Variants in SDCBP2 observed in about 807,000 individuals in gnomAD.
The protein encoded by SDCBP2 is syntenin-2.
SDCBP2 carries 28 observed loss-of-function variants against 30.7 expected under a neutral mutation model. That is an observed-to-expected ratio of 0.91 (90% confidence interval 0.68 to 1.25). SDCBP2 has a LOEUF of 1.25. Ranked by LOEUF, SDCBP2 falls within the 50% of genes most tolerant of loss-of-function variation. The probability of loss-of-function intolerance (pLI) is 0.00; values close to 1 mark genes in which losing one functional copy is unlikely to be tolerated. For synonymous variants in SDCBP2, 166 were observed against 157.3 expected (o/e 1.06, Z -0.41); for missense variants, 399 against 379.0 (o/e 1.05, Z -0.44).
In SDCBP2 at chr20:1,313,609, T is replaced by C; in HGVS notation, c.226-111A>G. 1 of 1,410,720 alleles carries C rather than the reference T, an allele frequency of 7.1e-7. No individual in the cohort carries two copies. The highest frequency in any genetic ancestry group is 1.5e-5 in the South Asian group (1 of 65,680). The allele number at this position is 1,410,720 out of a possible 1,614,324, so 87.4% of individuals were successfully genotyped here. ...AAAGGAGGATGGAGCCGTCCCCGGGTCCCCCCACGTCCCCAGTCCACGCTT... is the reference window on the plus strand; with the variant it reads ...AAAGGAGGATGGAGCCGTCCCCGGGCCCCCCCACGTCCCCAGTCCACGCTT... On this transcript the variant is annotated intron_variant, in intron 4 of 8. Transcript: ENST00000360779. This position sits in a 1 kb window ranked among gnomAD's most constrained non-coding sequence, Gnocchi z 5.2.
chr20:1,310,924 G>A (rs1200088392), intron 7 of SDCBP2, 33 bp from the exon 8 acceptor site: 1 of 1,556,558 alleles, frequency 6.4e-7, no homozygotes, highest in East Asian at 2.3e-5. Flanking sequence ...ATCACCCTAA[G>A]GATTGGGGAC....
rs189922951 is a variant in SDCBP2, at chr20:1,315,246, T to C, written c.226-1748A>G. Among the ~76,000 whole-genome samples the C allele has an allele frequency of 6.1e-3, 931 of 152,198 alleles. 6 individuals are homozygous for C. Among genetic ancestry groups the C allele is most frequent in the Non-Finnish European group, 0.01 (701 of 67,988 alleles). ...GCAAGAGTGCTTTCAACAAATGGTG[T>C]TGGCTGGGCGCAGTGGCTCATGCCT... On this transcript the variant is annotated intron_variant, in intron 4 of 8. Transcript: ENST00000360779.
At position 1,312,661 on chromosome 20, in the gene SDCBP2, C is replaced by T; in HGVS notation, c.486G>A (p.Gly162=). The change falls in exon 6 of 9, where the codon GGG becomes GGA. Residue 162 remains glycine, a synonymous_variant. Coordinates refer to ENST00000360779, the MANE Select transcript of SDCBP2 (RefSeq NM_080489.5). ...LLQIDGRDCA[G]WSSHKAHQVV... ...CCTGATGGGCTTTGTGCGAGCTCCA[C>T]CCAGCACAGTCACGCCCGTCAATCT... The T allele has an allele frequency of 6.2e-7, 1 of 1,614,164 alleles. No individual in the cohort carries two copies. Among genetic ancestry groups the T allele is most frequent in the Non-Finnish European group, 8.5e-7 (1 of 1,180,026 alleles).
At chr20:1,312,947 G>A (rs1167711512) in intron 5 of SDCBP2, 185 bp from the exon 6 acceptor site, 1 of 647,590 alleles carries the variant, frequency 1.5e-6, no homozygotes, top group African/African-American at 1.8e-5. Flanking sequence ...CTCATAGTTA[G>A]GAAGCAGGTG....
chr20:1,326,060 C>G (rs541464107), intron 1 of SDCBP2, among the ~76,000 whole-genome samples: 11 of 152,296 alleles, frequency 7.2e-5, no homozygotes, highest in African/African-American at 2.4e-4. Flanking sequence ...AGGAGGAAGG[C>G]TAGGGCAATC....
At chr20:1,312,298 C>G (rs373011921) in intron 7 of SDCBP2, 39 bp downstream of exon 7, 6 of 1,598,218 alleles carry the variant, frequency 3.8e-6, no homozygotes, top group Non-Finnish European at 5.1e-6. Flanking sequence ...AGCCCTCCCA[C>G]CACCCGGCAG....
intron 1 of SDCBP2, among the ~76,000 whole-genome samples, chr20:1,327,405 C>T (rs754084899): frequency 9.2e-5 from 14 of 152,170 alleles, no homozygotes; most frequent in African/African-American, 1.9e-4. Context: ...AGACAGTGCG[C>T]GGGAGGGAAG....
intron 8 of SDCBP2, 52 bp from the exon 9 acceptor site, chr20:1,310,547 C>A: frequency 1.3e-6 from 2 of 1,551,584 alleles, no homozygotes; most frequent in South Asian, 1.1e-5. Context: ...TCTCCACCCT[C>A]CAGCAACCTC....
chr20:1,315,615 A>G (rs79281124), intron 4 of SDCBP2, among the ~76,000 whole-genome samples: 2,282 of 152,342 alleles, frequency 0.015, 51 homozygotes, highest in African/African-American at 0.053. Context: ...CTAACTCCTT[A>G]CAAAAAAATT....
Position 1,312,677 on chromosome 20 carries a change from C to A in SDCBP2, c.470G>T (p.Gly157Val). The A allele has an allele frequency of 6.2e-7, 1 of 1,614,158 alleles. No individual in the cohort carries two copies. Among genetic ancestry groups the A allele is most frequent in the African/African-American group, 1.3e-5 (1 of 75,036 alleles). Residue 157 changes from glycine (G) to valine (V), a missense_variant, in exon 6 of 9, where the codon GGG becomes GTG. Gly to Val is a moderately radical substitution (Grantham distance 109). Transcript: ENST00000360779. The part of the protein sequence containing the change: ...RFGDQLLQID[G>V]RDCAGWSSHK... ...CGAGCTCCACCCAGCACAGTCACGC[C>A]CGTCAATCTGCAGGAGCTGGTCCCC...
chr20:1,328,693 G>C (rs149540707), intron 1 of SDCBP2, among the ~76,000 whole-genome samples: 1 of 152,160 alleles, frequency 6.6e-6, no homozygotes, highest in South Asian at 2.1e-4. Context: ...ACAGCCTCAG[G>C]CCAGAGAAGT....
chr20:1,320,285 C>G lies in SDCBP2; in HGVS notation c.54+78G>C. 2 of 1,369,506 alleles carry G rather than the reference C, an allele frequency of 1.5e-6. No individual in the cohort carries two copies. The highest frequency in any genetic ancestry group is 2.0e-6 in the Non-Finnish European group (2 of 976,726). The allele number at this position is 1,369,506 out of a possible 1,614,324, so 84.8% of individuals were successfully genotyped here. ...AGGCCTACGGGAATCTCCAAGTGGC[C>G]CCAGTACCCAGCACCTTCCAGGGTA... On this transcript the variant is annotated intron_variant, in intron 2 of 8. Coordinates refer to ENST00000360779, the MANE Select transcript of SDCBP2 (RefSeq NM_080489.5). The surrounding 1 kb of genome is among the most constrained non-coding windows in gnomAD (Gnocchi z 4.7).
chr20:1,310,166 G>T lies in SDCBP2; in HGVS notation c.*275C>A. ...GGGCCCAGTTGCGACTTTAAGCAGC[G>T]TTTAAACAGCCTGCCTCCGTGTCCA... On this transcript the variant is annotated 3_prime_UTR_variant, in exon 9 of 9. Transcript: ENST00000360779. 1 of 367,240 alleles carries T rather than the reference G, an allele frequency of 2.7e-6. No individual in the cohort carries two copies. Among genetic ancestry groups the T allele is most frequent in the South Asian group, 6.8e-5 (1 of 14,798 alleles). The allele number at this position is 367,240 out of a possible 1,614,324, so 22.7% of individuals were successfully genotyped here.
Position 1,319,581 on chromosome 20 carries a change from C to G in SDCBP2, c.124+9G>C, listed in dbSNP as rs771232928. The G allele has an allele frequency of 5.8e-6, 9 of 1,562,318 alleles. No individual in the cohort carries two copies. The Admixed American group carries it at 1.7e-4, about 30-fold the overall frequency. Reference sequence around the variant, plus strand: ...GGCACCCAGGAGCCCCTCATCCCAGCCCACTCACCTGGTGGTGGGGAAATG... The same window carrying G: ...GGCACCCAGGAGCCCCTCATCCCAGGCCACTCACCTGGTGGTGGGGAAATG... On this transcript the variant is annotated intron_variant, in intron 3 of 8. Transcript: ENST00000360779.
At chr20:1,325,466 C>T (rs2088909703) in intron 1 of SDCBP2, 1 of 152,246 alleles carries the variant, frequency 6.6e-6, no homozygotes, top group Non-Finnish European at 1.5e-5. Flanking sequence ...TACCAGAGTC[C>T]ACCCGGCCTC....
rs1455736227 is a variant in SDCBP2, at chr20:1,313,477, GCCCGGGGC to G, written c.239_246del (p.Gly80AlafsTer19). On this transcript the variant is annotated frameshift_variant, in exon 5 of 9. Coordinates refer to ENST00000360779, the MANE Select transcript of SDCBP2 (RefSeq NM_080489.5). LOFTEE classifies it high-confidence loss of function. The surrounding 1 kb of genome is among the most constrained non-coding windows in gnomAD (Gnocchi z 5.2). ...GTTACCGGTGCCACCATCTGGCCGG[GCCCGGGGC>G]CCGAGACCGCTGTCTGCAGACACCA... The G allele has an allele frequency of 1.9e-6, 3 of 1,593,734 alleles. No individual in the cohort carries two copies.
rs2122509879 is a variant in SDCBP2, at chr20:1,313,716, A to G, written c.226-218T>C. On this transcript the variant is annotated intron_variant, in intron 4 of 8. Transcript: ENST00000360779. This position sits in a 1 kb window ranked among gnomAD's most constrained non-coding sequence, Gnocchi z 5.2. ...TCCATGCCCTTAAAAAGCCAGGAAAACGGGGAGGGAAGGGGCGAGGATACA... is the reference window on the plus strand; with the variant it reads ...TCCATGCCCTTAAAAAGCCAGGAAAGCGGGGAGGGAAGGGGCGAGGATACA... The G allele has an allele frequency of 2.4e-6, 3 of 1,276,454 alleles. No individual in the cohort carries two copies. In the Admixed American group the frequency reaches 1.1e-4, roughly 48 times the overall value. 79.1% of individuals were successfully genotyped at this position (1,276,454 alleles called of 1,614,324 possible). A position where few individuals can be genotyped will look rare whatever the true frequency, so the allele number is the denominator to read the frequency against.
At position 1,312,615 on chromosome 20, in the gene SDCBP2, C is replaced by T. The variant is rs370427266; in HGVS notation, c.532G>A (p.Asp178Asn). The change falls in exon 6 of 9, where the codon GAT (aspartate) becomes AAT (asparagine). Residue 178 changes from aspartate to asparagine, a missense_variant. Asp to Asn is a conservative substitution (Grantham distance 23). Coordinates refer to ENST00000360779, the MANE Select transcript of SDCBP2 (RefSeq NM_080489.5). Reference sequence around the variant, plus strand: ...TCCCGAACCACCACGACAATCTTATCGCCTGATGCCTTCTTCACCACCTGA... The same window carrying T: ...TCCCGAACCACCACGACAATCTTATTGCCTGATGCCTTCTTCACCACCTGA... ...AHQVVKKASGDKIVVVVRDRP... is the reference protein window; with the variant it reads ...AHQVVKKASGNKIVVVVRDRP... The T allele has an allele frequency of 8.9e-5, 144 of 1,614,102 alleles. No individual in the cohort carries two copies. The East Asian group carries it at 1.3e-3, about 14-fold the overall frequency.
intron 1 of SDCBP2, among the ~76,000 whole-genome samples, chr20:1,327,401 T>G (rs1300821346): frequency 2.0e-5 from 3 of 152,164 alleles, no homozygotes; most frequent in African/African-American, 2.4e-5. Flanking sequence ...TACAAGACAG[T>G]GCGCGGGAGG....
Sources: gnomAD v4.1 joint callset for allele counts (sites outside exome capture counted in the v4.1 genomes callset) on GRCh38, gnomAD v4.1.1 for gene constraint, Gnocchi (gnomAD v3.1) non-coding constraint, MANE v1.5 for transcripts, NCBI Gene and HGNC (gene_info 2026-07-23, HGNC 2026-07-21) for gene names.